The following PCDH1 variants were observed in gnomAD, a reference collection of about 807,000 sequenced individuals.
PCDH1 encodes protocadherin-1.
A neutral mutation model predicts 74.6 loss-of-function variants in PCDH1; 23 were observed. The observed-to-expected ratio is 0.31, with a 90% CI of 0.22 to 0.44. The LOEUF (loss-of-function observed/expected upper bound fraction) is 0.44, where lower values mean the gene tolerates loss of function less well. PCDH1 is among the 20% of genes least tolerant of loss of function. The probability of loss-of-function intolerance (pLI) is 1.00; values close to 1 mark genes in which losing one functional copy is unlikely to be tolerated. For synonymous variants in PCDH1, 647 were observed against 686.1 expected (o/e 0.94, Z 0.89); for missense variants, 1,214 against 1,641.4 (o/e 0.74, Z 4.50).
intron 2 of PCDH1, chr5:141,867,519 G>C: frequency 2.2e-6 from 1 of 444,866 alleles, no homozygotes; most frequent in Non-Finnish European, 4.5e-6. Context: ...TGTTTAGAAC[G>C]GTGCCTGGCA....
chr5:141,858,244 A>G (rs146427792), intron 3 of PCDH1, among the ~76,000 whole-genome samples: 2,317 of 152,192 alleles, frequency 0.015, 35 homozygotes, highest in South Asian at 0.039. Context: ...GAGTGGAAAA[A>G]AAGGGAGGAG....
chr5:141,865,971 G>A lies in PCDH1; in HGVS notation c.904-544C>T. On this transcript the variant is annotated intron_variant, in intron 2 of 4. Transcript: ENST00000287008. This position sits in a 1 kb window ranked among gnomAD's most constrained non-coding sequence, Gnocchi z 4.4. ...TGTGAGAAGGTATATGTGTTTGTAT[G>A]TGTATGATTGTGTCAGAATGTGTGA... 1.3e-6 allele frequency: 1 copy of A among 793,302 alleles called. No individual in the cohort carries two copies. The highest frequency in any genetic ancestry group is 1.5e-6 in the Non-Finnish European group (1 of 650,090). 49.1% of individuals were successfully genotyped at this position (793,302 alleles called of 1,614,324 possible).
Position 141,868,899 on chromosome 5 carries a change from C to A in PCDH1, c.573G>T (p.Leu191=). The A allele has an allele frequency of 1.2e-6, 2 of 1,614,192 alleles. No homozygotes were observed. Among genetic ancestry groups the A allele is most frequent in the Non-Finnish European group, 1.7e-6 (2 of 1,180,032 alleles). The change falls in exon 2 of 5, where the codon CTG becomes CTT. Residue 191 remains leucine (L), a synonymous_variant. Coordinates refer to ENST00000287008, the MANE Select transcript of PCDH1 (RefSeq NM_032420.5). The surrounding 1 kb of genome is among the most constrained non-coding windows in gnomAD (Gnocchi z 4.8). ...TGGGACCAGCATCACGGTCTGAAGCCAGCGGGATGGGGAAGAGTGAGCCGA... is the reference window on the plus strand; with the variant it reads ...TGGGACCAGCATCACGGTCTGAAGCAAGCGGGATGGGGAAGAGTGAGCCGA... ...TNIGSLFPIP[L]ASDRDAGPNG...
rs1198026033 is a variant in PCDH1 at position 141,853,958 on chromosome 5, G to C, written c.*84C>G. On this transcript the variant is annotated 3_prime_UTR_variant, in exon 5 of 5. Transcript: ENST00000287008. Reference sequence around the variant, plus strand: ...CCCTGGCCAGGAAGTCCACGCTGAAGGGGTGGAGAGTGAGGCCCTGGAATG... The same window carrying C: ...CCCTGGCCAGGAAGTCCACGCTGAACGGGTGGAGAGTGAGGCCCTGGAATG... The C allele has an allele frequency of 8.1e-6, 10 of 1,238,558 alleles. No individual in the cohort carries two copies. The East Asian group carries it at 2.5e-4, about 32-fold the overall frequency. 76.7% of individuals were successfully genotyped at this position (1,238,558 alleles called of 1,614,324 possible).
intron 3 of PCDH1, among the ~76,000 whole-genome samples, chr5:141,857,860 G>A (rs1400665562): frequency 1.3e-5 from 2 of 152,100 alleles, no homozygotes; most frequent in African/African-American, 2.4e-5. Flanking sequence ...CCTGTAATAC[G>A]GTGTAGAGCC....
In PCDH1 at chr5:141,875,403, G is replaced by A. The variant is rs550061958; in HGVS notation, c.40+2820C>T. ...GCAGATAAAAGGTGCTCAATACATT[G>A]TTGAACAGAATCTCTGCACCAACTA... is the stretch of plus-strand genomic sequence containing the variant. On this transcript the variant is annotated intron_variant, in intron 1 of 4. Coordinates refer to ENST00000287008, the MANE Select transcript of PCDH1 (RefSeq NM_032420.5). 2.4e-4 allele frequency among the ~76,000 whole-genome samples: 37 copies of A among 152,210 alleles called. 1 individual carries two copies. In the South Asian group the frequency reaches 6.0e-3, roughly 25 times the overall value.
chr5:141,877,102 C>G (rs1361584310), intron 1 of PCDH1, among the ~76,000 whole-genome samples: 2 of 152,200 alleles, frequency 1.3e-5, no homozygotes, highest in African/African-American at 4.8e-5. Context: ...TGGGGCTCGC[C>G]GAACGACCCC....
chr5:141,854,092 C>T lies in PCDH1; in HGVS notation c.3664G>A (p.Ala1222Thr), dbSNP rs374776377. 4.5e-6 allele frequency: 7 copies of T among 1,549,834 alleles called. No individual in the cohort carries two copies. The African/African-American group carries it at 6.8e-5, about 15-fold the overall frequency. Residue 1222 changes from alanine (A) to threonine (T), a missense_variant, in exon 5 of 5, where the codon GCA (alanine) becomes ACA (threonine). Ala to Thr is a moderately conservative substitution (Grantham distance 58, BLOSUM62 0). Around this residue, in one of 4 missense-constraint regions of PCDH1, gnomAD observed 194 missense variants for 198.3 expected, o/e 0.98. Transcript: ENST00000287008. ...GTCTGGGCAGATGCCGGTGTGGCTG[C>T]GGGTGGGAAGTCCGAGGTCTGGGTC... The part of the protein sequence containing the change: ...PLTQTSDFPP[A>T]ATPASAQTAK...
In PCDH1 at chr5:141,869,457, G is replaced by A. The variant is rs115194019; in HGVS notation, c.41-26C>T. ...CTGCAAGGGGAAGAGGCAAAACAGA[G>A]GCCATGAGCTGGGAAGAAAAGCCTG... On this transcript the variant is annotated intron_variant, in intron 1 of 4. Transcript: ENST00000287008. The surrounding 1 kb of genome is among the most constrained non-coding windows in gnomAD (Gnocchi z 4.9). 27,525 of 1,593,060 alleles carry A rather than the reference G, an allele frequency of 0.017. 289 individuals are homozygous for A. The highest frequency in any genetic ancestry group is 0.02 in the Non-Finnish European group (23,472 of 1,177,582).
Position 141,869,382 on chromosome 5 carries a change from T to C in PCDH1, c.90A>G (p.Pro30=). 6.3e-7 allele frequency: 1 copy of C among 1,597,782 alleles called. No homozygotes were observed. The highest frequency in any genetic ancestry group is 1.1e-5 in the South Asian group (1 of 88,960). The change falls in exon 2 of 5, where the codon CCA becomes CCG. Residue 30 remains proline (P), a synonymous_variant. Transcript: ENST00000287008. This position sits in a 1 kb window ranked among gnomAD's most constrained non-coding sequence, Gnocchi z 4.9. ...GCAGTAGCCGTTGCCCCCCAGGGCC[T>C]GGGCTGTGCCTCAGGTGCTCCATCC... ...PPRMEHLRHS[P]GPGGQRLLLP...
rs1752708758 is a variant in PCDH1, at chr5:141,864,226, G to A, written c.2105C>T (p.Thr702Ile). Residue 702 changes from threonine (T) to isoleucine (I), a missense_variant, in exon 3 of 5, where the codon ACC becomes ATC. Thr to Ile is a moderately conservative substitution (Grantham distance 89). Around this residue, in one of 4 missense-constraint regions of PCDH1, gnomAD observed 836 missense variants for 1,182.2 expected, o/e 0.71. Transcript: ENST00000287008. This position sits in a 1 kb window ranked among gnomAD's most constrained non-coding sequence, Gnocchi z 5.9. ...VPPRSAYVGV[T>I]INVLDENDNA... ...GTCATTCTCGTCCAGCACATTGATG[G>A]TGACACCAACGTAAGCTGAGCGAGG... 6.2e-7 allele frequency: 1 copy of A among 1,607,590 alleles called. No homozygotes were observed. Among genetic ancestry groups the A allele is most frequent in the Non-Finnish European group, 8.5e-7 (1 of 1,174,810 alleles).
rs138699618 is a variant in PCDH1 at position 141,863,875 on chromosome 5, C to A, written c.2456G>T (p.Arg819Leu). 2 of 1,613,988 alleles carry A rather than the reference C, an allele frequency of 1.2e-6. No individual in the cohort carries two copies. Among genetic ancestry groups the A allele is most frequent in the South Asian group, 1.1e-5 (1 of 91,088 alleles). The part of the protein sequence containing the change: ...HLYVNETLAN[R>L]TLLETLLGHS... Reference sequence around the variant, plus strand: ...GCCCAGGAGGGTCTCCAGCAGCGTGCGGTTGGCCAGAGTCTCATTGACATA... The same window carrying A: ...GCCCAGGAGGGTCTCCAGCAGCGTGAGGTTGGCCAGAGTCTCATTGACATA... The change falls in exon 3 of 5, where the codon CGC becomes CTC. Residue 819 changes from arginine (R) to leucine (L), a missense_variant. Arg to Leu is a moderately radical substitution (Grantham distance 102). Around this residue, in one of 4 missense-constraint regions of PCDH1, gnomAD observed 836 missense variants for 1,182.2 expected, o/e 0.71. Coordinates refer to ENST00000287008, the MANE Select transcript of PCDH1 (RefSeq NM_032420.5). The surrounding 1 kb of genome is among the most constrained non-coding windows in gnomAD (Gnocchi z 7.5).
chr5:141,878,123 C>T lies in PCDH1; in HGVS notation c.40+100G>A. 2 of 1,158,858 alleles carry T rather than the reference C, an allele frequency of 1.7e-6. No homozygotes were observed. Among genetic ancestry groups the T allele is most frequent in the African/African-American group, 1.6e-5 (1 of 61,152 alleles). The allele number at this position is 1,158,858 out of a possible 1,614,324, so 71.8% of individuals were successfully genotyped here. A position where few individuals can be genotyped will look rare whatever the true frequency, so the allele number is the denominator to read the frequency against. On this transcript the variant is annotated intron_variant, in intron 1 of 4. Transcript: ENST00000287008. The surrounding 1 kb of genome is among the most constrained non-coding windows in gnomAD (Gnocchi z 5.5). ...TCGCGCCGAGCTCGTGTTGGGCCCC[C>T]GCGGCCTCGCTCCGCCGAGCGCCCC... is the stretch of plus-strand genomic sequence containing the variant.
rs139286727 is a variant in PCDH1, at chr5:141,869,244, G to T, written c.228C>A (p.Ser76Arg). The T allele has an allele frequency of 6.2e-7, 1 of 1,613,272 alleles. No homozygotes were observed. The highest frequency in any genetic ancestry group is 1.3e-5 in the African/African-American group (1 of 75,024). Residue 76 changes from serine (S) to arginine (R), a missense_variant, in exon 2 of 5, where the codon AGC (serine) becomes AGA (arginine). By Grantham distance (110) the Ser-to-Arg change is moderately radical. Coordinates refer to ENST00000287008, the MANE Select transcript of PCDH1 (RefSeq NM_032420.5). This position sits in a 1 kb window ranked among gnomAD's most constrained non-coding sequence, Gnocchi z 4.9. The part of the protein sequence containing the change: ...EEQPPNTLIG[S>R]LAADYGFPDV... ...CTGGAAAACCATAGTCGGCTGCGAGGCTCCCAATGAGGGTGTTGGGTGGCT... is the reference window on the plus strand; with the variant it reads ...CTGGAAAACCATAGTCGGCTGCGAGTCTCCCAATGAGGGTGTTGGGTGGCT...
In PCDH1 at chr5:141,864,825, G is replaced by A. The variant is rs151258191; in HGVS notation, c.1506C>T (p.Asn502=). Residue 502 remains asparagine, a synonymous_variant, in exon 3 of 5, where the codon AAC becomes AAT. Transcript: ENST00000287008. This position sits in a 1 kb window ranked among gnomAD's most constrained non-coding sequence, Gnocchi z 5.9. ...LKVQVVDVND[N]APVFTQSVTE... Reference sequence around the variant, plus strand: ...TGACACTCTGAGTGAAGACAGGTGCGTTGTCATTGACGTCCACCACCTGCA... The same window carrying A: ...TGACACTCTGAGTGAAGACAGGTGCATTGTCATTGACGTCCACCACCTGCA... The A allele has an allele frequency of 1.3e-5, 21 of 1,614,070 alleles. No homozygotes were observed. The highest frequency in any genetic ancestry group is 1.6e-5 in the Non-Finnish European group (19 of 1,180,038).
Position 141,853,787 on chromosome 5 carries a change from G to GA in PCDH1, c.*254_*255insT, listed in dbSNP as rs755748704. 190 of 385,538 alleles carry GA rather than the reference G, an allele frequency of 4.9e-4. 1 individual carries two copies. The highest frequency in any genetic ancestry group is 7.8e-4 in the Admixed American group (19 of 24,384). 23.9% of individuals were successfully genotyped at this position (385,538 alleles called of 1,614,324 possible). ...GAAGGAGCCCAGTCATTGCAGAGGAGCCCTCTTGGGCATCAGATGGGGGAA... is the reference window on the plus strand; with the variant it reads ...GAAGGAGCCCAGTCATTGCAGAGGAGACCCTCTTGGGCATCAGATGGGGGAA... On this transcript the variant is annotated 3_prime_UTR_variant, in exon 5 of 5. Coordinates refer to ENST00000287008, the MANE Select transcript of PCDH1 (RefSeq NM_032420.5).
Position 141,854,072 on chromosome 5 carries a change from G to T in PCDH1, c.3684C>A (p.Ala1228=), listed in dbSNP as rs1199856746. 6.5e-7 allele frequency: 1 copy of T among 1,526,742 alleles called. No individual in the cohort carries two copies. Among genetic ancestry groups the T allele is most frequent in the African/African-American group, 1.4e-5 (1 of 72,388 alleles). 94.6% of individuals were successfully genotyped at this position (1,526,742 alleles called of 1,614,324 possible). A position where few individuals can be genotyped will look rare whatever the true frequency, so the allele number is the denominator to read the frequency against. ...GGTAGATCTCGCGCTTGGCCGTCTG[G>T]GCAGATGCCGGTGTGGCTGCGGGTG... ...DFPPAATPAS[A]QTAKREIYL Residue 1228 remains alanine (A), a synonymous_variant, in exon 5 of 5, where the codon GCC becomes GCA. Coordinates refer to ENST00000287008, the MANE Select transcript of PCDH1 (RefSeq NM_032420.5).
At position 141,878,170 on chromosome 5, in the gene PCDH1, T is replaced by G. The variant is rs1286788072; in HGVS notation, c.40+53A>C. The G allele has an allele frequency of 1.4e-6, 2 of 1,419,472 alleles. No homozygotes were observed. The highest frequency in any genetic ancestry group is 3.0e-5 in the African/African-American group (2 of 66,678). 87.9% of individuals were successfully genotyped at this position (1,419,472 alleles called of 1,614,324 possible). On this transcript the variant is annotated intron_variant, in intron 1 of 4. Transcript: ENST00000287008. This position sits in a 1 kb window ranked among gnomAD's most constrained non-coding sequence, Gnocchi z 5.5. ...CCCCTCCCTCAGCTCCCGCCGGCCA[T>G]GACCGCTTCGGGCCCCAAGCCGCTG...
chr5:141,877,616 C>G (rs951022375), intron 1 of PCDH1, among the ~76,000 whole-genome samples: 1 of 152,180 alleles, frequency 6.6e-6, no homozygotes, highest in African/African-American at 2.4e-5. Context: ...TGTGTCGGTG[C>G]TGCTGATCGT....
Sources: allele counts gnomAD v4.1 joint callset (sites outside exome capture counted in the v4.1 genomes callset), GRCh38; gene constraint gnomAD v4.1.1; regional missense constraint gnomAD v4.1.1; non-coding constraint Gnocchi (gnomAD v3.1); transcripts MANE v1.5; gene names NCBI Gene and HGNC (gene_info 2026-07-23, HGNC 2026-07-21).